The following CIRSR variants were observed in gnomAD, a reference collection of about 807,000 sequenced individuals.
CIRSR encodes the protein corepressor of RBPJ and splicing regulator.
chr2:174,366,599 A>T, the CIRSR span, among the ~76,000 whole-genome samples: 1 of 152,234 alleles, frequency 6.6e-6, no homozygotes, highest in African/African-American at 2.4e-5. Flanking sequence ...TCAGATCTAC[A>T]TAAAGAAAGG....
At chr2:174,348,843 G>A in the CIRSR span, 25 of 1,613,966 alleles carry the variant, frequency 1.5e-5, no homozygotes, top group East Asian at 5.6e-4. Context: ...TAAGAACCTG[G>A]GCTTTTCCTT....
At chr2:174,376,655 A>G in the CIRSR span, among the ~76,000 whole-genome samples, 151,852 of 151,862 alleles carry the variant, frequency 1, 75,921 homozygotes, top group Middle Eastern at 1. Context: ...AAAATTAGCC[A>G]GGCGTGGTGG....
chr2:174,383,753 A>G, the CIRSR span, among the ~76,000 whole-genome samples: 1 of 150,538 alleles, frequency 6.6e-6, no homozygotes, highest in African/African-American at 2.4e-5. Flanking sequence ...AAAATCAAAT[A>G]CACTGAAAGC....
At chr2:174,379,075 AAAGT>A in the CIRSR span, 5 of 1,442,092 alleles carry the variant, frequency 3.5e-6, no homozygotes, top group Non-Finnish European at 4.9e-6. Flanking sequence ...GGTTACTAAA[AAAGT>A]AAGAATCTAA....
chr2:174,348,948 C>T, the CIRSR span: 1 of 1,606,202 alleles, frequency 6.2e-7, no homozygotes. Context: ...GTTGTTATGC[C>T]CTGAACACTT....
chr2:174,358,042 A>C, the CIRSR span: 1 of 152,204 alleles, frequency 6.6e-6, no homozygotes, highest in East Asian at 1.9e-4. Flanking sequence ...CCCTCATCCC[A>C]AGTTCATACT....
At chr2:174,349,117 ACTTTTT>A in the CIRSR span, 1 of 1,507,234 alleles carries the variant, frequency 6.6e-7, no homozygotes, top group Non-Finnish European at 8.8e-7. Context: ...CTCTTCTGAA[ACTTTTT>A]CTTTTTTCTA....
the CIRSR span, among the ~76,000 whole-genome samples, chr2:174,370,709 T>C: frequency 1.3e-5 from 2 of 151,970 alleles, no homozygotes; most frequent in African/African-American, 4.8e-5. Context: ...GGTCAGGAGA[T>C]TGAGACCATC....
At chr2:174,387,718 T>G in the CIRSR span, 1 of 1,598,332 alleles carries the variant, frequency 6.3e-7, no homozygotes, top group Non-Finnish European at 8.5e-7. Context: ...TTTAAGATAT[T>G]GCTGCATCAA....
the CIRSR span, among the ~76,000 whole-genome samples, chr2:174,367,920 T>C: frequency 6.6e-5 from 10 of 151,670 alleles, no homozygotes; most frequent in Non-Finnish European, 1.3e-4. Flanking sequence ...AAGGCTGGAG[T>C]AACTATATTA....
chr2:174,370,549 G>C, the CIRSR span, among the ~76,000 whole-genome samples: 1 of 152,186 alleles, frequency 6.6e-6, no homozygotes, highest in Admixed American at 6.5e-5. Context: ...TTATCCCCTT[G>C]TGGGTTAGAA....
the CIRSR span, chr2:174,348,921 T>G: frequency 6.2e-7 from 1 of 1,614,148 alleles, no homozygotes; most frequent in Non-Finnish European, 8.5e-7. Flanking sequence ...AGACTTGTCC[T>G]TCTCTTCAGA....
chr2:174,379,149 C>G, the CIRSR span: 1 of 764,086 alleles, frequency 1.3e-6, no homozygotes, highest in Non-Finnish European at 2.2e-6. Context: ...TTTAAAAGAT[C>G]TCCAGGGAAA....
chr2:174,351,738 A>G, the CIRSR span: 2 of 1,604,980 alleles, frequency 1.2e-6, no homozygotes, highest in Non-Finnish European at 1.7e-6. Context: ...GTTCACAAAA[A>G]TCACAGTTTG....
At chr2:174,373,673 A>G in the CIRSR span, among the ~76,000 whole-genome samples, 1 of 152,138 alleles carries the variant, frequency 6.6e-6, no homozygotes, top group African/African-American at 2.4e-5. Flanking sequence ...CAAGATATCA[A>G]CAGTTGACTT....
At chr2:174,353,645 T>A in the CIRSR span, among the ~76,000 whole-genome samples, 1 of 152,172 alleles carries the variant, frequency 6.6e-6, no homozygotes, top group Non-Finnish European at 1.5e-5. Flanking sequence ...TTTTCGTATT[T>A]GTAGTAGAAA....
At chr2:174,393,230 A>G in the CIRSR span, among the ~76,000 whole-genome samples, 1 of 152,186 alleles carries the variant, frequency 6.6e-6, no homozygotes, top group Admixed American at 6.5e-5. Context: ...TTGGACCACA[A>G]TGTAAATTAA....
At chr2:174,389,638 TA>T in the CIRSR span, among the ~76,000 whole-genome samples, 1 of 152,208 alleles carries the variant, frequency 6.6e-6, no homozygotes, top group Admixed American at 6.5e-5. Context: ...AGTCGAATGT[TA>T]ATCACCAAGA....
the CIRSR span, among the ~76,000 whole-genome samples, chr2:174,364,478 G>A: frequency 1.3e-5 from 2 of 152,196 alleles, no homozygotes; most frequent in Non-Finnish European, 2.9e-5. Flanking sequence ...CCCCAGTACT[G>A]CTTAGTAGCC....
Sources: allele counts gnomAD v4.1 joint callset (sites outside exome capture counted in the v4.1 genomes callset), GRCh38; gene constraint gnomAD v4.1.1; transcripts MANE v1.5; gene names NCBI Gene and HGNC (gene_info 2026-07-23, HGNC 2026-07-21).